The following MYO5B variants were observed in gnomAD, a reference collection of about 807,000 sequenced individuals.
MYO5B encodes unconventional myosin-Vb.
MYO5B carries 143 observed loss-of-function variants against 229.3 expected under a neutral mutation model. That is an observed-to-expected ratio of 0.62 (90% CI 0.54 to 0.72). MYO5B has a LOEUF of 0.72. Among genes scored for constraint, MYO5B ranks in the 30% least tolerant of loss-of-function variants. The probability of loss-of-function intolerance (pLI) is 0.00; values close to 1 mark genes in which losing one functional copy is unlikely to be tolerated. For missense variants in MYO5B, 2,321 were observed against 2,331.0 expected (o/e 1.00, Z 0.09); for synonymous variants, 918 against 885.2 (o/e 1.04, Z -0.66).
chr18:49,949,756 C>T (rs958937770), intron 14 of MYO5B, among the ~76,000 whole-genome samples: 4 of 151,994 alleles, frequency 2.6e-5, no homozygotes, highest in African/African-American at 9.7e-5. Flanking sequence ...TAAATGAAAA[C>T]CAATAAAAAA....
intron 4 of MYO5B, among the ~76,000 whole-genome samples, chr18:50,003,648 C>G (rs746293516): frequency 2.0e-5 from 3 of 152,128 alleles, no homozygotes; most frequent in South Asian, 4.1e-4. Flanking sequence ...CTGAAACAGA[C>G]AAGTTTGATA....
At chr18:50,138,840 C>G (rs1004107766) in intron 1 of MYO5B, among the ~76,000 whole-genome samples, 1 of 152,162 alleles carries the variant, frequency 6.6e-6, no homozygotes. Context: ...CAGAGCCCAG[C>G]CATCCTGCCT....
At chr18:49,974,308 A>G (rs1176151847) in intron 10 of MYO5B, 42 bp downstream of exon 10, 1 of 1,613,822 alleles carries the variant, frequency 6.2e-7, no homozygotes. Flanking sequence ...GCAGGAAGCC[A>G]CTCCCAGGTA....
chr18:50,071,454 G>A (rs892346870), intron 1 of MYO5B, among the ~76,000 whole-genome samples: 7 of 152,150 alleles, frequency 4.6e-5, no homozygotes, highest in Non-Finnish European at 1.0e-4. Flanking sequence ...GGACGGACGC[G>A]TGCACACACA....
chr18:50,085,682 T>C (rs941961377), intron 1 of MYO5B, among the ~76,000 whole-genome samples: 17 of 152,134 alleles, frequency 1.1e-4, no homozygotes, highest in Non-Finnish European at 2.1e-4. Flanking sequence ...CCAACAATGA[T>C]AGACTGGATT....
chr18:49,829,177 C>T (rs2144017517), intron 39 of MYO5B, among the ~76,000 whole-genome samples: 1 of 151,092 alleles, frequency 6.6e-6, no homozygotes, highest in African/African-American at 2.4e-5. Context: ...CTCCCAGGTT[C>T]AAGTGATTCT....
intron 1 of MYO5B, among the ~76,000 whole-genome samples, chr18:50,142,011 C>T (rs745664534): frequency 5.3e-5 from 8 of 152,188 alleles, no homozygotes; most frequent in Admixed American, 1.3e-4. Flanking sequence ...CTTCTAGGAC[C>T]AATGAGACTT....
chr18:50,153,384 C>T (rs370085456), intron 1 of MYO5B, among the ~76,000 whole-genome samples: 6 of 152,186 alleles, frequency 3.9e-5, no homozygotes, highest in Admixed American at 6.5e-5. Context: ...GAATGTAAGA[C>T]GCTCCTAGTA....
chr18:50,120,290 A>G (rs949186), intron 1 of MYO5B, among the ~76,000 whole-genome samples: 149,118 of 152,332 alleles, frequency 0.98, 73,071 homozygotes, highest in East Asian at 1. Context: ...AGGTCTGAAG[A>G]CAATGTCTGC....
intron 1 of MYO5B, among the ~76,000 whole-genome samples, chr18:50,179,894 G>A (rs1186378065): frequency 6.6e-6 from 1 of 152,168 alleles, no homozygotes; most frequent in African/African-American, 2.4e-5. Flanking sequence ...CCAAGTGCTA[G>A]GAGGGACAAA....
chr18:50,050,635 C>T lies in MYO5B; in HGVS notation c.138+4633G>A, dbSNP rs75618804. On this transcript the variant is annotated intron_variant, in intron 2 of 39. Transcript: ENST00000285039. ...TCACAGCATGACCTGAAATGCTCAA[C>T]GCCGCTCTGGTGACTAACACCTTCA... is the stretch of plus-strand genomic sequence containing the variant. Among the ~76,000 whole-genome samples, 20 of 152,314 alleles carry T rather than the reference C, an allele frequency of 1.3e-4. No homozygotes were observed. In the East Asian group the frequency reaches 1.7e-3, roughly 13 times the overall value.
intron 17 of MYO5B, among the ~76,000 whole-genome samples, chr18:49,917,659 C>A (rs2144172879): frequency 6.6e-6 from 1 of 152,332 alleles, no homozygotes; most frequent in South Asian, 2.1e-4. Context: ...GGCTTGGCTT[C>A]TCTTCCATTC....
chr18:49,945,716 G>C (rs1471211579), intron 14 of MYO5B, among the ~76,000 whole-genome samples: 4 of 151,740 alleles, frequency 2.6e-5, no homozygotes, highest in Non-Finnish European at 5.9e-5. Flanking sequence ...TAAACACTGA[G>C]AGTGGCAGGA....
At position 49,904,746 on chromosome 18, in the gene MYO5B, G is replaced by A; in HGVS notation, c.2497C>T (p.Gln833Ter). ...YRMQRARQAY[Q>*]RVRRAAVVIQ... ...ACAACGGCAGCTCTGCGGACCCTCT[G>A]GTAGGCCTGGCGGGCCCTCTGCATG... Residue 833 changes from glutamine (Q) to a stop codon, truncating the protein, a stop_gained, in exon 20 of 40, where the codon CAG becomes TAG. Transcript: ENST00000285039. LOFTEE classifies it high-confidence loss of function. 1 of 1,614,056 alleles carries A rather than the reference G, an allele frequency of 6.2e-7. No homozygotes were observed. Among genetic ancestry groups the A allele is most frequent in the Non-Finnish European group, 8.5e-7 (1 of 1,180,040 alleles).
At chr18:49,842,974 T>G (rs1204904805) in intron 34 of MYO5B, among the ~76,000 whole-genome samples, 1 of 152,212 alleles carries the variant, frequency 6.6e-6, no homozygotes, top group Non-Finnish European at 1.5e-5. Flanking sequence ...CTGTAAGCAC[T>G]GGGCATGTCT....
At chr18:49,912,596 T>A (rs1220401738) in intron 17 of MYO5B, among the ~76,000 whole-genome samples, 3 of 152,202 alleles carry the variant, frequency 2.0e-5, no homozygotes, top group African/African-American at 4.8e-5. Context: ...ATAAGTCTCA[T>A]GAGATCTGGT....
intron 8 of MYO5B, 140 bp downstream of exon 8, chr18:49,984,578 A>T: frequency 1.4e-6 from 1 of 722,938 alleles, no homozygotes; most frequent in South Asian, 1.5e-5. Context: ...AGAGTAAGAG[A>T]TGACATTCAC....
At chr18:49,904,538 G>T in intron 20 of MYO5B, 134 bp downstream of exon 20, 1 of 1,065,506 alleles carries the variant, frequency 9.4e-7, no homozygotes, top group Non-Finnish European at 1.4e-6. Context: ...GAAAGGATTT[G>T]GTGAGAGCAG....
At chr18:49,903,277 T>C (rs2024864559) in intron 20 of MYO5B, among the ~76,000 whole-genome samples, 1 of 152,084 alleles carries the variant, frequency 6.6e-6, no homozygotes, top group Admixed American at 6.5e-5. Context: ...CACTGTTTTT[T>C]TTTTTCTACC....
Sources: allele counts gnomAD v4.1 joint callset (sites outside exome capture counted in the v4.1 genomes callset), GRCh38; gene constraint gnomAD v4.1.1; transcripts MANE v1.5; gene names NCBI Gene and HGNC (gene_info 2026-07-23, HGNC 2026-07-21).